Variants in DMD observed in about 807,000 individuals in gnomAD.
DMD encodes dystrophin.
In DMD, 63 loss-of-function variants were observed where a neutral mutation model predicts 330.1. The observed-to-expected ratio is 0.19, with a 90% confidence interval of 0.16 to 0.24. The LOEUF is 0.24. Ranked by LOEUF, DMD falls within the 10% of genes least tolerant of loss-of-function variation. DMD has a pLI of 1.00. For synonymous variants in DMD, 1,223 were observed against 959.8 expected (o/e 1.27, Z -5.07); for missense variants, 3,344 against 2,684.1 (o/e 1.25, Z -5.43).
chrX:32,249,633 T>C (rs981956132), intron 43 of DMD, among the ~76,000 whole-genome samples: 1 of 111,706 alleles, frequency 9.0e-6, no homozygotes, highest in Non-Finnish European at 1.9e-5. Flanking sequence ...CGATTCAAAC[T>C]CAGGTCAATC....
chrX:32,649,817 A>C (rs896797712), intron 9 of DMD, among the ~76,000 whole-genome samples: 10 of 110,845 alleles, frequency 9.0e-5, no homozygotes, highest in African/African-American at 3.0e-4. Context: ...TATCTGTCTG[A>C]TCTTGGGTAT....
chrX:32,274,155 G>A (rs2097376110), intron 43 of DMD, among the ~76,000 whole-genome samples: 1 of 111,630 alleles, frequency 9.0e-6, no homozygotes, highest in South Asian at 3.7e-4. Context: ...ATTTCTTTCT[G>A]TATTAGAGTC....
At chrX:32,335,303 G>A (rs187561814) in intron 41 of DMD, among the ~76,000 whole-genome samples, 1 of 107,928 alleles carries the variant, frequency 9.3e-6, no homozygotes, top group African/African-American at 3.4e-5. Flanking sequence ...CCAGTTTCAA[G>A]CAATTCTCAT....
intron 29 of DMD, among the ~76,000 whole-genome samples, chrX:32,435,236 AT>A (rs903854587): frequency 2.1e-5 from 2 of 97,095 alleles, no homozygotes; most frequent in African/African-American, 7.3e-5. Context: ...ATATTTACAT[AT>A]TTTTAAATAT....
chrX:31,694,353 T>C (rs1232875313), intron 52 of DMD, among the ~76,000 whole-genome samples: 3 of 109,568 alleles, frequency 2.7e-5, no homozygotes, highest in Non-Finnish European at 3.8e-5. Context: ...GTTTCTTGCA[T>C]ATGACCCCCA....
At chrX:31,802,170 T>C in intron 50 of DMD, among the ~76,000 whole-genome samples, 1 of 87,310 alleles carries the variant, frequency 1.1e-5, no homozygotes, top group African/African-American at 3.9e-5. Flanking sequence ...ATATCATTTC[T>C]TTTTTTGAAA....
intron 71 of DMD, among the ~76,000 whole-genome samples, chrX:31,177,236 T>C: frequency 9.0e-6 from 1 of 111,570 alleles, no homozygotes; most frequent in Middle Eastern, 4.6e-3. Context: ...GTATCTAAGC[T>C]CAGTATTATT....
At chrX:31,125,268 G>A (rs1485093261) in intron 78 of DMD, among the ~76,000 whole-genome samples, 1 of 111,686 alleles carries the variant, frequency 9.0e-6, no homozygotes, top group African/African-American at 3.2e-5. Context: ...AACCGTCAGG[G>A]GCATTCAATG....
Position 31,478,237 on chromosome X carries a change from G to A in DMD, c.8806C>T (p.Leu2936Phe), listed in dbSNP as rs146517753. Reference protein sequence around the residue: ...QRKIDETLERLRELQEATDEL... With the variant: ...QRKIDETLERFRELQEATDEL... ...TCCGTGGCCTCTTGAAGTTCCCGGA[G>A]TCTTTCAAGGGTCTCATCTATTTTT... The change falls in exon 59 of 79, where the codon CTC (leucine) becomes TTC (phenylalanine). Residue 2936 changes from leucine to phenylalanine, a missense_variant. Transcript: ENST00000357033. 1 of 1,208,999 alleles carries A rather than the reference G, an allele frequency of 8.3e-7. No homozygotes were observed. The highest frequency in any genetic ancestry group is 1.1e-6 in the Non-Finnish European group (1 of 895,089).
chrX:32,859,461 TCACACACACACACACACACACACA>T (rs35537635), intron 2 of DMD, among the ~76,000 whole-genome samples: 5,456 of 86,023 alleles, frequency 0.063, 135 homozygotes, highest in Middle Eastern at 0.11. Flanking sequence ...AAGCAAGATC[TCACACACACACACACACACACACA>T]CACACACACA....
At chrX:32,308,169 G>GA (rs947175506) in intron 42 of DMD, among the ~76,000 whole-genome samples, 2 of 110,291 alleles carry the variant, frequency 1.8e-5, no homozygotes, top group African/African-American at 6.6e-5. Flanking sequence ...TACATCTATT[G>GA]AAACCATACG....
chrX:31,798,699 A>C (rs2091937184), intron 50 of DMD, among the ~76,000 whole-genome samples: 1 of 111,642 alleles, frequency 9.0e-6, no homozygotes, highest in Non-Finnish European at 1.9e-5. Context: ...CAATGGCCTC[A>C]TGGAATTTAT....
intron 9 of DMD, among the ~76,000 whole-genome samples, chrX:32,651,025 C>A (rs1293928789): frequency 8.9e-5 from 10 of 112,092 alleles, no homozygotes. Flanking sequence ...GGACTTAAAA[C>A]CAGGTTGTTT....
At chrX:32,537,775 T>A (rs2048124024) in intron 17 of DMD, among the ~76,000 whole-genome samples, 1 of 112,314 alleles carries the variant, frequency 8.9e-6, no homozygotes, top group African/African-American at 3.2e-5. Flanking sequence ...ATGAGTACCA[T>A]TTTCTTCACT....
At chrX:33,272,674 A>G (rs1475103088) in intron 1 of DMD, among the ~76,000 whole-genome samples, 2 of 109,312 alleles carry the variant, frequency 1.8e-5, no homozygotes, top group African/African-American at 6.7e-5. Flanking sequence ...GAAAAAAAAA[A>G]AAAACACACA....
intron 2 of DMD, among the ~76,000 whole-genome samples, chrX:32,891,731 T>A (rs774557939): frequency 1.8e-5 from 2 of 111,972 alleles, no homozygotes; most frequent in South Asian, 7.5e-4. Flanking sequence ...CATCTGTAAA[T>A]CACTACATTA....
chrX:32,079,627 G>T (rs1158606940), intron 44 of DMD, among the ~76,000 whole-genome samples: 1 of 97,735 alleles, frequency 1.0e-5, no homozygotes, highest in Non-Finnish European at 2.1e-5. Context: ...GAAAGAAAAA[G>T]AAAAAGAAAA....
intron 56 of DMD, among the ~76,000 whole-genome samples, chrX:31,499,486 G>GTTTTTTTTTTTTTTTTTTTTTT (rs2070208408): frequency 1.3e-5 from 1 of 78,086 alleles, no homozygotes; most frequent in African/African-American, 5.2e-5. Flanking sequence ...AGGGAATTCA[G>GTTTTTTTTTTTTTTTTTTTTTT]TTCTTTTTTT....
chrX:31,373,933 G>A lies in DMD; in HGVS notation c.9085-25299C>T, dbSNP rs1326311108. Among the ~76,000 whole-genome samples, 3 of 109,380 alleles carry A rather than the reference G, an allele frequency of 2.7e-5. No individual in the cohort carries two copies. In the East Asian group the frequency reaches 8.7e-4, roughly 32 times the overall value. The allele number at this position is 109,380 out of a possible 115,157, so 95.0% of individuals were successfully genotyped here. On this transcript the variant is annotated intron_variant, in intron 60 of 78. Transcript: ENST00000357033. ...TCGCAACCTGCTCATCTGACAAAGG[G>A]CTAATATCCAGAATCTACAATGAAC...
Sources: gnomAD v4.1 joint callset for allele counts (sites outside exome capture counted in the v4.1 genomes callset) on GRCh38, gnomAD v4.1.1 for gene constraint, MANE v1.5 for transcripts, NCBI Gene and HGNC (gene_info 2026-07-23, HGNC 2026-07-21) for gene names.